The following COG6 variants were observed in gnomAD, a reference collection of about 807,000 sequenced individuals.
The protein encoded by COG6 is conserved oligomeric Golgi complex subunit 6.
COG6 carries 74 observed loss-of-function variants against 88.8 expected under a neutral mutation model. The observed-to-expected ratio is 0.83, with a 90% CI of 0.69 to 1.01. The LOEUF (loss-of-function observed/expected upper bound fraction) is 1.01, where lower values mean the gene tolerates loss of function less well. COG6 is among the 50% of genes least tolerant of loss of function. COG6 has a pLI of 0.00. For missense variants in COG6, 800 were observed against 797.9 expected (o/e 1.00, Z -0.03); for synonymous variants, 286 against 278.7 (o/e 1.03, Z -0.26).
intron 18 of COG6, chr13:39,788,332 C>G: frequency 6.4e-7 from 1 of 1,551,814 alleles, no homozygotes; most frequent in Non-Finnish European, 8.7e-7. Flanking sequence ...CATTTGCTCA[C>G]AGGCGTCCAC....
intron 4 of COG6, among the ~76,000 whole-genome samples, chr13:39,670,385 TGTGTGTGTATTTTTTTAAGTTCAGTATG>T (rs1875553660): frequency 6.6e-6 from 1 of 152,112 alleles, no homozygotes; most frequent in African/African-American, 2.4e-5. Flanking sequence ...AGAATGTTTA[TGTGTGTGTATTTTTTTAAGTTCAGTATG>T]TTAAAATGGA....
chr13:39,741,479 G>T (rs577790662), intron 18 of COG6, among the ~76,000 whole-genome samples: 3 of 152,130 alleles, frequency 2.0e-5, no homozygotes, highest in Non-Finnish European at 4.4e-5. Context: ...TTCAATAGTC[G>T]ATTTGATCAA....
At chr13:39,717,747 C>T (rs567567309) in intron 13 of COG6, among the ~76,000 whole-genome samples, 31 of 152,098 alleles carry the variant, frequency 2.0e-4, no homozygotes, top group African/African-American at 7.0e-4. Context: ...TGCCTGTAGT[C>T]CTAGCTGTTA....
At chr13:39,681,384 A>G (rs1876304819) in intron 7 of COG6, among the ~76,000 whole-genome samples, 1 of 151,712 alleles carries the variant, frequency 6.6e-6, no homozygotes, top group Admixed American at 6.6e-5. Context: ...GTCTTATCTC[A>G]CTAGTTTTCT....
intron 2 of COG6, among the ~76,000 whole-genome samples, chr13:39,659,739 A>G (rs534495162): frequency 6.6e-6 from 1 of 152,342 alleles, no homozygotes; most frequent in South Asian, 2.1e-4. Context: ...TTGTTCTAGA[A>G]GATTATCTTA....
intron 18 of COG6, among the ~76,000 whole-genome samples, chr13:39,787,621 CACATAT>C (rs1881815067): frequency 1.3e-5 from 2 of 152,052 alleles, no homozygotes; most frequent in South Asian, 2.1e-4. Context: ...TGCACATACA[CACATAT>C]ACATATATAC....
At chr13:39,662,687 A>C (rs1260738003) in intron 3 of COG6, among the ~76,000 whole-genome samples, 1 of 152,198 alleles carries the variant, frequency 6.6e-6, no homozygotes, top group Non-Finnish European at 1.5e-5. Context: ...AATATTTAAA[A>C]ATATTTAATA....
chr13:39,682,202 T>G lies in COG6; in HGVS notation c.726T>G (p.Cys242Trp). 6.2e-7 allele frequency: 1 copy of G among 1,612,412 alleles called. No individual in the cohort carries two copies. The highest frequency in any genetic ancestry group is 2.2e-5 in the East Asian group (1 of 44,812). ...SECRTLTQES[C>W]DVSPVLTQAM... is the part of the protein sequence containing the mutation. ...GCAGAACATTGACACAAGAATCATG[T>G]GACGTATCTCCAGTATTGACACAGG... is the stretch of plus-strand genomic sequence containing the variant. The change falls in exon 8 of 19, where the codon TGT becomes TGG. Residue 242 changes from cysteine to tryptophan, a missense_variant. Physicochemically the swap from Cys to Trp is radical, Grantham distance 215 (BLOSUM62 -2). Transcript: ENST00000455146.
At chr13:39,656,889 A>T (rs1198706643) in intron 1 of COG6, 1 of 455,920 alleles carries the variant, frequency 2.2e-6, no homozygotes, top group East Asian at 6.9e-5. Flanking sequence ...GAGAGACTCC[A>T]GGTAAAGTCC....
intron 18 of COG6, among the ~76,000 whole-genome samples, chr13:39,739,179 A>T (rs547656475): frequency 1.4e-3 from 217 of 152,276 alleles, no homozygotes; most frequent in African/African-American, 4.7e-3. Context: ...AAACTAGATG[A>T]TTCTAGTTCT....
In COG6 at chr13:39,687,566, G is replaced by A. The variant is rs767076532; in HGVS notation, c.852G>A (p.Ala284=). 72 of 1,612,942 alleles carry A rather than the reference G, an allele frequency of 4.5e-5. No homozygotes were observed. The South Asian group carries it at 7.1e-4, about 16-fold the overall frequency. Residue 284 remains alanine, a synonymous_variant, in exon 9 of 19, where the codon GCG becomes GCA. Transcript: ENST00000455146. ...CAGTTGTTCGTGGATTTATTGATGC[G>A]CTCACAAGAGGGGGCCCCGGAGGTA... ...RSTVVRGFID[A]LTRGGPGGTP... is the part of the protein sequence containing the mutation.
intron 13 of COG6, among the ~76,000 whole-genome samples, chr13:39,707,584 C>T (rs1026637351): frequency 3.3e-5 from 5 of 152,222 alleles, no homozygotes; most frequent in African/African-American, 9.6e-5. Context: ...CAGTCAATAT[C>T]TAACCCCGGT....
intron 4 of COG6, among the ~76,000 whole-genome samples, chr13:39,671,435 T>A (rs529035210): frequency 5.9e-5 from 9 of 151,842 alleles, no homozygotes; most frequent in African/African-American, 1.9e-4. Flanking sequence ...GCACGCTTCA[T>A]TTAAAGTGGC....
At position 39,752,579 on chromosome 13, in the gene COG6, A is replaced by T; in HGVS notation, c.*1486A>T. 1 of 1,263,160 alleles carries T rather than the reference A, an allele frequency of 7.9e-7. No homozygotes were observed. The highest frequency in any genetic ancestry group is 1.0e-6 in the Non-Finnish European group (1 of 972,284). 78.2% of individuals were successfully genotyped at this position (1,263,160 alleles called of 1,614,324 possible). Reference sequence around the variant, plus strand: ...GTGAATTCCTTTGTTTTATAGGGAAAATTTATTGTGCTTTTTACCTGGTTT... The same window carrying T: ...GTGAATTCCTTTGTTTTATAGGGAATATTTATTGTGCTTTTTACCTGGTTT... On this transcript the variant is annotated 3_prime_UTR_variant, in exon 19 of 19. Coordinates refer to ENST00000455146, the MANE Select transcript of COG6 (RefSeq NM_020751.3).
rs182065024 is a variant in COG6 at position 39,741,545 on chromosome 13, G to A, written c.1827-9401G>A. Among the ~76,000 whole-genome samples the A allele has an allele frequency of 3.9e-5, 6 of 152,142 alleles. No individual in the cohort carries two copies. In the East Asian group the frequency reaches 7.7e-4, roughly 20 times the overall value. On this transcript the variant is annotated intron_variant, in intron 18 of 18. Coordinates refer to ENST00000455146, the MANE Select transcript of COG6 (RefSeq NM_020751.3). ...CAAATTAATGAAATCAAGAAGAGAA[G>A]TTTAGAGAAAAAAGAGTAAAAAGAA...
At chr13:39,726,910 A>G (rs1879163624) in intron 17 of COG6, among the ~76,000 whole-genome samples, 1 of 152,012 alleles carries the variant, frequency 6.6e-6, no homozygotes, top group South Asian at 2.1e-4. Context: ...TATGCTTTAT[A>G]GTACCTTGTT....
At chr13:39,706,255 T>TTATATATATATATATATATTTAAATA (rs1877903162) in intron 13 of COG6, among the ~76,000 whole-genome samples, 1 of 114,672 alleles carries the variant, frequency 8.7e-6, no homozygotes, top group Non-Finnish European at 1.8e-5. Context: ...ATATACTCCT[T>TTATATATATATATATATATTTAAATA]TATATATATA....
At chr13:39,656,037 C>CG in intron 1 of COG6, 158 bp downstream of exon 1, 1 of 977,112 alleles carries the variant, frequency 1.0e-6, no homozygotes, top group African/African-American at 1.6e-5. Context: ...CTGCGGGCGC[C>CG]GGGGGCGGTG....
chr13:39,700,609 G>T (rs1446339315), intron 13 of COG6, among the ~76,000 whole-genome samples: 2 of 151,796 alleles, frequency 1.3e-5, no homozygotes, highest in African/African-American at 4.8e-5. Context: ...ATTTATACAT[G>T]ATACACAAAC....
Sources: gnomAD v4.1 joint callset for allele counts (sites outside exome capture counted in the v4.1 genomes callset) on GRCh38, gnomAD v4.1.1 for gene constraint, MANE v1.5 for transcripts, NCBI Gene and HGNC (gene_info 2026-07-23, HGNC 2026-07-21) for gene names.